Variants in SVOP observed in about 807,000 individuals in gnomAD.
SVOP encodes synaptic vesicle 2-related protein.
In SVOP, 17 loss-of-function variants were observed where a neutral mutation model predicts 69.1. The ratio of observed to expected loss-of-function variants is 0.25; its 90% CI spans 0.17 to 0.37. SVOP has a LOEUF of 0.37. Among genes scored for constraint, SVOP ranks in the 10% least tolerant of loss-of-function variants. The pLI, the probability that SVOP is intolerant of heterozygous loss-of-function variation, is 1.00. For synonymous variants in SVOP, 238 were observed against 238.6 expected, an observed-to-expected ratio of 1.00 and a Z score of 0.02; for missense variants, 435 against 597.5, an observed-to-expected ratio of 0.73 and a Z score of 2.84.
At chr12:109,009,787 T>G (rs1010357734) in intron 1 of SVOP, among the ~76,000 whole-genome samples, 1 of 152,114 alleles carries the variant, frequency 6.6e-6, no homozygotes, top group South Asian at 2.1e-4. Flanking sequence ...ACAGCTTTGA[T>G]GGTCACAACT....
At chr12:108,947,927 G>C (rs1002925144) in intron 6 of SVOP, among the ~76,000 whole-genome samples, 2 of 152,034 alleles carry the variant, frequency 1.3e-5, no homozygotes, top group African/African-American at 4.8e-5. Flanking sequence ...GATCTCCTAG[G>C]ATCCCTTTAC....
intron 1 of SVOP, among the ~76,000 whole-genome samples, chr12:108,987,513 T>C (rs1212960524): frequency 6.6e-6 from 1 of 152,238 alleles, no homozygotes; most frequent in Non-Finnish European, 1.5e-5. Context: ...TTTTGAGGAA[T>C]TGCCAGAATG....
chr12:108,992,071 C>T (rs1033786022), intron 1 of SVOP, among the ~76,000 whole-genome samples: 1 of 152,068 alleles, frequency 6.6e-6, no homozygotes, highest in Non-Finnish European at 1.5e-5. Context: ...AAATACCCTC[C>T]CCCAACAATA....
chr12:108,975,195 A>T (rs2040100025), intron 4 of SVOP, among the ~76,000 whole-genome samples: 1 of 152,186 alleles, frequency 6.6e-6, no homozygotes, highest in Non-Finnish European at 1.5e-5. Flanking sequence ...CCAAAAGGAG[A>T]GATTCTGGCA....
Position 108,940,887 on chromosome 12 carries a change from A to G in SVOP, c.665T>C (p.Val222Ala). ...GAACACAGCCAGGACGACCTCGAAC[A>G]CTGTCCCGATGGCCCAGAATACCTG... ...LIEVFWAIGT[V>A]FEVVLAVFVM... Residue 222 changes from valine to alanine, a missense_variant, in exon 8 of 16, where the codon GTG becomes GCG. Val to Ala is a moderately conservative substitution (Grantham distance 64). Coordinates refer to ENST00000610966, the MANE Select transcript of SVOP (RefSeq NM_018711.5). 1 of 1,536,982 alleles carries G rather than the reference A, an allele frequency of 6.5e-7. No homozygotes were observed. Among genetic ancestry groups the G allele is most frequent in the Non-Finnish European group, 8.7e-7 (1 of 1,146,744 alleles).
In SVOP at chr12:108,959,077, G is replaced by A. The variant is rs568566634; in HGVS notation, c.578+1846C>T. Among the ~76,000 whole-genome samples, 14 of 152,266 alleles carry A rather than the reference G, an allele frequency of 9.2e-5. No homozygotes were observed. In the South Asian group the frequency reaches 1.0e-3, roughly 11 times the overall value. ...CCATGGTGCTCTTGCTCAATGCTGC[G>A]TCCTGGCACCTAGCATTTCTAGGTA... is the stretch of plus-strand genomic sequence containing the variant. On this transcript the variant is annotated intron_variant, in intron 6 of 15. Transcript: ENST00000610966.
At chr12:109,011,811 G>A (rs1000603625) in intron 1 of SVOP, among the ~76,000 whole-genome samples, 4 of 152,160 alleles carry the variant, frequency 2.6e-5, no homozygotes, top group African/African-American at 7.2e-5. Flanking sequence ...CAACATGAAC[G>A]AACCTGGAGG....
intron 13 of SVOP, among the ~76,000 whole-genome samples, chr12:108,918,769 GT>G (rs1423791000): frequency 1.3e-5 from 2 of 152,154 alleles, no homozygotes; most frequent in Non-Finnish European, 2.9e-5. Flanking sequence ...CAAGTTAACA[GT>G]TTTAACATAT....
intron 5 of SVOP, among the ~76,000 whole-genome samples, chr12:108,971,428 CAA>C (rs563114992): frequency 7.7e-5 from 11 of 142,686 alleles, no homozygotes; most frequent in Non-Finnish European, 1.2e-4. Flanking sequence ...GACTCCGTCT[CAA>C]AAAAAAAAAA....
chr12:108,940,704 C>G (rs2039885288), intron 8 of SVOP, 80 bp downstream of exon 8: 2 of 1,504,228 alleles, frequency 1.3e-6, no homozygotes, highest in Non-Finnish European at 1.8e-6. Context: ...TGGTATCCTT[C>G]CCTATCCCCT....
At chr12:108,937,074 T>A (rs1593183126) in intron 10 of SVOP, 190 bp downstream of exon 10, 2 of 598,980 alleles carry the variant, frequency 3.3e-6, no homozygotes, top group Non-Finnish European at 6.0e-6. Flanking sequence ...AAGAAAAAGA[T>A]GAAGGAAATG....
intron 1 of SVOP, among the ~76,000 whole-genome samples, chr12:109,011,017 C>T (rs367906346): frequency 1.1e-4 from 16 of 151,702 alleles, no homozygotes; most frequent in East Asian, 1.9e-4. Flanking sequence ...TGGTTTCAAG[C>T]GATTCTCATG....
intron 9 of SVOP, among the ~76,000 whole-genome samples, chr12:108,938,102 C>T (rs1010227017): frequency 2.6e-5 from 4 of 152,244 alleles, no homozygotes; most frequent in African/African-American, 4.8e-5. Flanking sequence ...GACCAAACAC[C>T]TCCTTCCAAC....
Position 108,922,756 on chromosome 12 carries a change from C to T in SVOP, c.1090G>A (p.Ala364Thr), listed in dbSNP as rs1463521471. ...TCCTCCTCACTCAGGTACTCGCAGG[C>T]CAGGCTGCATTTTGCCTCTACAGCC... Reference protein sequence around the residue: ...KKAVEAKCSLACEYLSEEDYM... With the variant: ...KKAVEAKCSLTCEYLSEEDYM... Residue 364 changes from alanine (A) to threonine (T), a missense_variant, in exon 12 of 16, where the codon GCC (alanine) becomes ACC (threonine). Ala to Thr is a moderately conservative substitution (Grantham distance 58). Transcript: ENST00000610966. The T allele has an allele frequency of 6.2e-7, 1 of 1,611,434 alleles. No individual in the cohort carries two copies. Among genetic ancestry groups the T allele is most frequent in the South Asian group, 1.1e-5 (1 of 90,056 alleles).
At chr12:108,993,503 G>GA in intron 1 of SVOP, among the ~76,000 whole-genome samples, 1 of 152,242 alleles carries the variant, frequency 6.6e-6, no homozygotes, top group Admixed American at 6.5e-5. Context: ...GTGCTGCTGG[G>GA]ATCACTAAGG....
chr12:108,959,502 C>T (rs139975706), intron 6 of SVOP, among the ~76,000 whole-genome samples: 4,949 of 151,954 alleles, frequency 0.033, 274 homozygotes, highest in African/African-American at 0.11. Context: ...TACAGGTGCC[C>T]GCCACCAAGC....
intron 9 of SVOP, 41 bp from the exon 10 acceptor site, chr12:108,937,378 C>A: frequency 6.3e-7 from 1 of 1,598,476 alleles, no homozygotes; most frequent in Non-Finnish European, 8.6e-7. Context: ...CTCTCCCCTA[C>A]AGATGCACGG....
chr12:109,005,847 A>G (rs1593207712), intron 1 of SVOP, among the ~76,000 whole-genome samples: 4 of 152,168 alleles, frequency 2.6e-5, no homozygotes, highest in African/African-American at 2.4e-5. Context: ...CAGGGAACAG[A>G]GGTCAGAGAG....
At chr12:108,996,651 C>T (rs1249026585) in intron 1 of SVOP, among the ~76,000 whole-genome samples, 1 of 152,114 alleles carries the variant, frequency 6.6e-6, no homozygotes, top group African/African-American at 2.4e-5. Context: ...AGAATCTTGG[C>T]CAGGCATCGT....
Sources: allele counts gnomAD v4.1 joint callset (sites outside exome capture counted in the v4.1 genomes callset), GRCh38; gene constraint gnomAD v4.1.1; transcripts MANE v1.5; gene names NCBI Gene and HGNC (gene_info 2026-07-23, HGNC 2026-07-21).